The following HADH variants were observed in gnomAD, a reference collection of about 807,000 sequenced individuals.
HADH encodes hydroxyacyl-CoA dehydrogenase.
In HADH, 24 loss-of-function variants were observed where a neutral mutation model predicts 32.2. The observed-to-expected ratio is 0.75, with a 90% confidence interval of 0.54 to 1.05. The LOEUF (loss-of-function observed/expected upper bound fraction) is 1.05. Ranked by LOEUF, HADH falls within the 50% of genes least tolerant of loss-of-function variation. HADH has a pLI of 0.00. For missense variants in HADH, 350 were observed against 397.1 expected, an observed-to-expected ratio of 0.88 and a Z score of 1.01; for synonymous variants, 139 against 152.5, an observed-to-expected ratio of 0.91 and a Z score of 0.65.
At position 107,990,170 on chromosome 4, in the gene HADH, G is replaced by A; in HGVS notation, c.132+106G>A. 7 of 1,193,606 alleles carry A rather than the reference G, an allele frequency of 5.9e-6. 1 individual carries two copies. In the African/African-American group the frequency reaches 6.1e-5, roughly 10 times the overall value. 73.9% of individuals were successfully genotyped at this position (1,193,606 alleles called of 1,614,324 possible). A position where few individuals can be genotyped will look rare whatever the true frequency, so the allele number is the denominator to read the frequency against. The stretch of plus-strand genomic sequence containing the variant: ...GGGCCTGCACCCGCCCGACACCAGG[G>A]AGTTTTCACCCCGCGCCTCCCGGGT... On this transcript the variant is annotated intron_variant, in intron 1 of 7. Transcript: ENST00000309522.
At chr4:108,012,435 A>G (rs1484678183) in intron 2 of HADH, among the ~76,000 whole-genome samples, 6 of 152,208 alleles carry the variant, frequency 3.9e-5, no homozygotes, top group Non-Finnish European at 7.3e-5. Flanking sequence ...CATTTTTGCC[A>G]CAAGAGTACA....
At chr4:108,029,043 C>T (rs549346555) in intron 6 of HADH, 2 of 396,786 alleles carry the variant, frequency 5.0e-6, no homozygotes, top group South Asian at 1.4e-4. Flanking sequence ...ATTGCTGGTC[C>T]CTCTGCTTCT....
chr4:108,023,583 G>A lies in HADH; in HGVS notation c.636+20G>A, dbSNP rs778001613. ...TGCAAGGTAAGAGTATGGGTAGCTT[G>A]GGAAGGAGGTAGTTCTTTTCTTCTT... On this transcript the variant is annotated intron_variant, in intron 5 of 7. Transcript: ENST00000309522. The A allele has an allele frequency of 4.3e-5, 58 of 1,351,110 alleles. No homozygotes were observed. The highest frequency in any genetic ancestry group is 3.5e-4 in the Admixed American group (21 of 59,712). The allele number at this position is 1,351,110 out of a possible 1,614,324, so 83.7% of individuals were successfully genotyped here. A position where few individuals can be genotyped will look rare whatever the true frequency, so the allele number is the denominator to read the frequency against.
intron 1 of HADH, among the ~76,000 whole-genome samples, chr4:107,994,089 C>T (rs895356928): frequency 6.6e-6 from 1 of 152,254 alleles, no homozygotes; most frequent in Non-Finnish European, 1.5e-5. Context: ...TCCCTGGGAA[C>T]GGGGCACTTC....
At chr4:108,013,458 A>G (rs1024588221) in intron 2 of HADH, among the ~76,000 whole-genome samples, 1 of 152,070 alleles carries the variant, frequency 6.6e-6, no homozygotes, top group African/African-American at 2.4e-5. Context: ...GATGGCCCCT[A>G]TGCTCAAGTT....
At chr4:107,990,200 T>C (rs1734737282) in intron 1 of HADH, 136 bp downstream of exon 1, 3 of 892,266 alleles carry the variant, frequency 3.4e-6, no homozygotes, top group Non-Finnish European at 3.4e-6. Flanking sequence ...CCGGGTGTAG[T>C]TGAAATATCT....
At position 108,009,885 on chromosome 4, in the gene HADH, A is replaced by G. The variant is rs776353265; in HGVS notation, c.259A>G (p.Lys87Glu). Residue 87 changes from lysine to glutamate, a missense_variant and splice_region_variant, in exon 2 of 8, where the codon AAG becomes GAG. Transcript: ENST00000309522. ...AAAGAAGAAGTTTGCAGAAAACCTT[A>G]AGGTAATTTCTTATTATCGATGTCT... ...VAKKKFAENLKAGDEFVEKTL... is the reference protein window; with the variant it reads ...VAKKKFAENLEAGDEFVEKTL... 1.9e-6 allele frequency: 3 copies of G among 1,603,332 alleles called. No individual in the cohort carries two copies. The highest frequency in any genetic ancestry group is 1.6e-4 in the Middle Eastern group (1 of 6,070).
At chr4:108,024,125 T>G (rs888243708) in intron 5 of HADH, 1 of 153,546 alleles carries the variant, frequency 6.5e-6, no homozygotes, top group African/African-American at 2.4e-5. Flanking sequence ...ATCTTTTTTT[T>G]CCCCTTTCTT....
intron 4 of HADH, among the ~76,000 whole-genome samples, chr4:108,023,250 C>T (rs1480693367): frequency 6.6e-6 from 1 of 152,144 alleles, no homozygotes; most frequent in Non-Finnish European, 1.5e-5. Context: ...CTTCAGCCTC[C>T]CAAAGTGCTG....
At chr4:108,027,482 T>G in intron 5 of HADH, 1 of 625,494 alleles carries the variant, frequency 1.6e-6, no homozygotes, top group East Asian at 2.8e-5. Context: ...GGCATCTGGG[T>G]TTGAATGTTT....
chr4:108,023,475 T>C lies in HADH; in HGVS notation c.548T>C (p.Val183Ala). The change falls in exon 5 of 8, where the codon GTC becomes GCC. Residue 183 changes from valine (V) to alanine (A), a missense_variant and splice_region_variant. Transcript: ENST00000309522. ...TAATTCTCTGCTTTGCATTTCCAGG[T>C]CATTAAAACACCAATGACCAGCCAG... ...NPVPVMKLVEVIKTPMTSQKT... is the reference protein window; with the variant it reads ...NPVPVMKLVEAIKTPMTSQKT... 1 of 1,595,054 alleles carries C rather than the reference T, an allele frequency of 6.3e-7. No homozygotes were observed. Among genetic ancestry groups the C allele is most frequent in the Non-Finnish European group, 8.6e-7 (1 of 1,162,532 alleles).
chr4:108,006,244 C>T (rs1054764483), intron 1 of HADH, among the ~76,000 whole-genome samples: 6 of 151,980 alleles, frequency 3.9e-5, no homozygotes, highest in Non-Finnish European at 8.8e-5. Context: ...TTTCAGAGAG[C>T]AACAGGAAGA....
At chr4:108,025,936 T>C (rs932374281) in intron 5 of HADH, 32 of 152,336 alleles carry the variant, frequency 2.1e-4, no homozygotes, top group African/African-American at 7.7e-4. Context: ...AGCATCTGTC[T>C]CTCTGCATTC....
chr4:108,005,472 G>A (rs1735266514), intron 1 of HADH: 1 of 156,828 alleles, frequency 6.4e-6, no homozygotes, highest in African/African-American at 2.4e-5. Flanking sequence ...CCTCACAATG[G>A]TCAGTACAGT....
intron 6 of HADH, chr4:108,032,281 T>G: frequency 7.6e-7 from 1 of 1,317,362 alleles, no homozygotes; most frequent in Non-Finnish European, 1.1e-6. Context: ...CATAGTAAAT[T>G]TCCAAGGGAA....
intron 1 of HADH, among the ~76,000 whole-genome samples, chr4:108,009,096 C>T (rs1402119861): frequency 6.6e-6 from 1 of 152,204 alleles, no homozygotes; most frequent in African/African-American, 2.4e-5. Context: ...CCAAAGACTT[C>T]ATTTTCTTGG....
chr4:108,022,165 ATATGTGTGTGTG>A (rs1217873691), intron 4 of HADH, among the ~76,000 whole-genome samples: 1 of 121,236 alleles, frequency 8.2e-6, no homozygotes, highest in Non-Finnish European at 1.8e-5. Flanking sequence ...TTACATATAT[ATATGTGTGTGTG>A]TGTGTGTGTG....
At chr4:108,019,429 A>G in intron 3 of HADH, 111 bp from the exon 4 acceptor site, 1 of 917,056 alleles carries the variant, frequency 1.1e-6, no homozygotes, top group Non-Finnish European at 1.8e-6. Flanking sequence ...CCAATGGGTC[A>G]GGACAACAGA....
At chr4:108,005,159 T>A in intron 1 of HADH, 1 of 316,298 alleles carries the variant, frequency 3.2e-6, no homozygotes, top group Non-Finnish European at 5.9e-6. Flanking sequence ...TTTTTCAAAC[T>A]AGGGTCTTTG....
Sources: gnomAD v4.1 joint callset for allele counts (sites outside exome capture counted in the v4.1 genomes callset) on GRCh38, gnomAD v4.1.1 for gene constraint, MANE v1.5 for transcripts, NCBI Gene and HGNC (gene_info 2026-07-23, HGNC 2026-07-21) for gene names.